Variants in NUP43 observed in about 807,000 individuals in gnomAD.
NUP43 encodes the protein nucleoporin 43.
A neutral mutation model predicts 47.3 loss-of-function variants in NUP43; 32 were observed. That is an observed-to-expected ratio of 0.68 (90% CI 0.51 to 0.91). The LOEUF is 0.91. Ranked by LOEUF, NUP43 falls within the 40% of genes least tolerant of loss-of-function variation. The probability of loss-of-function intolerance (pLI) is 0.00; values close to 1 mark genes in which losing one functional copy is unlikely to be tolerated. For synonymous variants in NUP43, 147 were observed against 158.4 expected, an observed-to-expected ratio of 0.93 and a Z score of 0.54; for missense variants, 444 against 453.9, an observed-to-expected ratio of 0.98 and a Z score of 0.20.
At chr6:149,730,818 G>A (rs192428269) in intron 7 of NUP43, among the ~76,000 whole-genome samples, 3 of 151,920 alleles carry the variant, frequency 2.0e-5, no homozygotes, top group African/African-American at 7.2e-5. Context: ...AGCATCTCTG[G>A]TCTTAGCTAT....
intron 6 of NUP43, among the ~76,000 whole-genome samples, chr6:149,735,461 T>C (rs1480653111): frequency 6.6e-6 from 1 of 151,828 alleles, no homozygotes; most frequent in Non-Finnish European, 1.5e-5. Context: ...AATAAGTACA[T>C]AAGGCTGGGC....
chr6:149,728,496 T>G, intron 7 of NUP43: 1 of 974,602 alleles, frequency 1.0e-6, no homozygotes, highest in Non-Finnish European at 1.2e-6. Context: ...AGTTTTAGAA[T>G]TTTTTTCCCC....
chr6:149,744,295 G>C (rs897514553), intron 2 of NUP43, among the ~76,000 whole-genome samples: 2 of 151,382 alleles, frequency 1.3e-5, no homozygotes, highest in African/African-American at 4.9e-5. Flanking sequence ...GGAGGCTGAG[G>C]CAAGCGGATC....
At chr6:149,747,343 T>C (rs1332421483), upstream of NUP43, among the ~76,000 whole-genome samples, 2 of 152,050 alleles carry the variant, frequency 1.3e-5, no homozygotes, top group Non-Finnish European at 2.9e-5. Context: ...AGTGGTACAA[T>C]CTCAGCTCAC....
intron 3 of NUP43, 98 bp from the exon 4 acceptor site, chr6:149,742,668 T>C: frequency 2.4e-6 from 2 of 839,562 alleles, no homozygotes; most frequent in East Asian, 2.6e-5. Context: ...CACACCCTTC[T>C]ACAAGAATAA....
Position 149,736,612 on chromosome 6 carries a change from G to C in NUP43, c.649C>G (p.Arg217Gly). ...CTATCAACACAGTGGAGTGGCACTC[G>C]GTCACCAGTCCTTTTGTGGGAGATA... is the stretch of plus-strand genomic sequence containing the variant. ...PSQILSLTGDRVPLHCVDRHP... is the reference protein window; with the variant it reads ...PSQILSLTGDGVPLHCVDRHP... Residue 217 changes from arginine to glycine, a missense_variant, in exon 6 of 8, where the codon CGA (arginine) becomes GGA (glycine). By Grantham distance (125) the Arg-to-Gly change is moderately radical. Coordinates refer to ENST00000340413, the MANE Select transcript of NUP43 (RefSeq NM_198887.3). 1 of 1,581,830 alleles carries C rather than the reference G, an allele frequency of 6.3e-7. No individual in the cohort carries two copies. The highest frequency in any genetic ancestry group is 8.7e-7 in the Non-Finnish European group (1 of 1,154,616).
At chr6:149,739,775 AC>A (rs1458560874) in intron 4 of NUP43, among the ~76,000 whole-genome samples, 1 of 152,006 alleles carries the variant, frequency 6.6e-6, no homozygotes, top group Non-Finnish European at 1.5e-5. Context: ...GCTCATTCTA[AC>A]CTTGTATTAT....
intron 7 of NUP43, 96 bp downstream of exon 7, chr6:149,731,517 C>T (rs1428130655): frequency 1.6e-5 from 18 of 1,109,006 alleles, no homozygotes; most frequent in East Asian, 2.7e-5. Flanking sequence ...GAGCTGAGAT[C>T]GTGCCACTGC....
chr6:149,742,672 A>G lies in NUP43; in HGVS notation c.322-102T>C. On this transcript the variant is annotated intron_variant, in intron 3 of 7. Coordinates refer to ENST00000340413, the MANE Select transcript of NUP43 (RefSeq NM_198887.3). ...AAATTCTGACTCACACCCTTCTACA[A>G]GAATAAATCTCTCCTTTTTCCTTTA... The G allele has an allele frequency of 2.5e-6, 2 of 790,214 alleles. 1 individual carries two copies. The highest frequency in any genetic ancestry group is 4.2e-5 in the South Asian group (2 of 47,990). The allele number at this position is 790,214 out of a possible 1,614,324, so 49.0% of individuals were successfully genotyped here. A position where few individuals can be genotyped will look rare whatever the true frequency, so the allele number is the denominator to read the frequency against.
chr6:149,747,448 T>TA (rs1195719795), upstream of NUP43, among the ~76,000 whole-genome samples: 1 of 150,174 alleles, frequency 6.7e-6, no homozygotes, highest in Non-Finnish European at 1.5e-5. Flanking sequence ...CATGCCTGGC[T>TA]AATTTTTTTT....
intron 4 of NUP43, among the ~76,000 whole-genome samples, chr6:149,739,501 G>A (rs557909205): frequency 6.6e-6 from 1 of 152,174 alleles, no homozygotes; most frequent in African/African-American, 2.4e-5. Flanking sequence ...TGGCCAGGCT[G>A]GTCTCGAACT....
At chr6:149,730,512 A>T (rs1784982300) in intron 7 of NUP43, among the ~76,000 whole-genome samples, 1 of 152,232 alleles carries the variant, frequency 6.6e-6, no homozygotes, top group Admixed American at 6.5e-5. Context: ...CATCAGCCAT[A>T]CAGTAGTAAG....
intron 4 of NUP43, among the ~76,000 whole-genome samples, chr6:149,741,762 C>A (rs1268091796): frequency 6.6e-6 from 1 of 152,204 alleles, no homozygotes; most frequent in Non-Finnish European, 1.5e-5. Flanking sequence ...GCATCACCCT[C>A]CCAAAGTGCT....
intron 6 of NUP43, 106 bp from the exon 7 acceptor site, chr6:149,731,841 C>A: frequency 8.5e-7 from 1 of 1,174,188 alleles, no homozygotes; most frequent in Non-Finnish European, 1.2e-6. Context: ...CATCACATAC[C>A]TTCGAGCCTC....
intron 5 of NUP43, among the ~76,000 whole-genome samples, 188 bp downstream of exon 5, chr6:149,738,455 C>A (rs1340385240): frequency 6.6e-6 from 1 of 152,152 alleles, no homozygotes; most frequent in African/African-American, 2.4e-5. Context: ...ATCACTATAA[C>A]AAATAATTAC....
intron 4 of NUP43, among the ~76,000 whole-genome samples, chr6:149,742,090 G>A (rs568737037): frequency 7.3e-6 from 1 of 137,524 alleles, no homozygotes; most frequent in South Asian, 2.3e-4. Flanking sequence ...GCAATGGTGC[G>A]ATCTCTGCTC....
Position 149,743,551 on chromosome 6 carries a change from C to T in NUP43, c.321+87G>A, listed in dbSNP as rs1206541588. 6.5e-5 allele frequency: 50 copies of T among 764,058 alleles called. 1 individual carries two copies. Among genetic ancestry groups the T allele is most frequent in the Middle Eastern group, 3.9e-4 (1 of 2,588 alleles). 47.3% of individuals were successfully genotyped at this position (764,058 alleles called of 1,614,324 possible). On this transcript the variant is annotated intron_variant, in intron 3 of 7. Transcript: ENST00000340413. ...TGGAGGCTGCGGTGAGCCGAGACTGCGCCACTGCACTCCAGTGCGCGGGCA... is the reference window on the plus strand; with the variant it reads ...TGGAGGCTGCGGTGAGCCGAGACTGTGCCACTGCACTCCAGTGCGCGGGCA...
intron 7 of NUP43, chr6:149,728,263 A>G (rs934118573): frequency 2.0e-5 from 20 of 977,500 alleles, no homozygotes; most frequent in Non-Finnish European, 1.3e-5. Context: ...GTGCCTTGCA[A>G]TAGTAGACAC....
chr6:149,748,313 CG>C (rs1231095189), upstream of NUP43, among the ~76,000 whole-genome samples: 4 of 152,052 alleles, frequency 2.6e-5, no homozygotes, highest in Non-Finnish European at 5.9e-5. Flanking sequence ...AGTGAGACTC[CG>C]TCTCAATCAA....
Sources: allele counts gnomAD v4.1 joint callset (sites outside exome capture counted in the v4.1 genomes callset), GRCh38; gene constraint gnomAD v4.1.1; transcripts MANE v1.5; gene names NCBI Gene and HGNC (gene_info 2026-07-23, HGNC 2026-07-21).